CNTN5: variants seen among roughly 807,000 people sequenced by gnomAD.
The protein encoded by CNTN5 is contactin-5.
In CNTN5, 77 loss-of-function variants were observed where a neutral mutation model predicts 129.1. The observed-to-expected ratio is 0.60, with a 90% CI of 0.50 to 0.72. The LOEUF (loss-of-function observed/expected upper bound fraction) is 0.72. Among genes scored for constraint, CNTN5 ranks in the 30% least tolerant of loss-of-function variants. CNTN5 has a pLI of 0.00. For synonymous variants in CNTN5, 509 were observed against 465.6 expected (o/e 1.09, Z -1.20); for missense variants, 1,478 against 1,328.8 (o/e 1.11, Z -1.75).
intron 6 of CNTN5, among the ~76,000 whole-genome samples, chr11:99,904,749 C>T (rs372762556): frequency 6.6e-6 from 1 of 152,160 alleles, no homozygotes; most frequent in African/African-American, 2.4e-5. Flanking sequence ...CTAATTTACA[C>T]TCCCACCAAC....
intron 2 of CNTN5, among the ~76,000 whole-genome samples, chr11:99,348,977 A>C (rs1372725979): frequency 6.6e-6 from 1 of 152,202 alleles, no homozygotes; most frequent in Non-Finnish European, 1.5e-5. Flanking sequence ...ACAAGCAACA[A>C]AGATCCCTAC....
intron 1 of CNTN5, among the ~76,000 whole-genome samples, chr11:99,169,467 C>A (rs1008945894): frequency 6.6e-6 from 1 of 151,760 alleles, no homozygotes; most frequent in South Asian, 2.1e-4. Flanking sequence ...TGTGAGATAA[C>A]ACTTTAAGAA....
At chr11:99,426,207 G>C (rs1429340097) in intron 2 of CNTN5, among the ~76,000 whole-genome samples, 1 of 152,074 alleles carries the variant, frequency 6.6e-6, no homozygotes, top group Admixed American at 6.6e-5. Flanking sequence ...AAAAATTGAT[G>C]AAGTCAAAAA....
intron 2 of CNTN5, among the ~76,000 whole-genome samples, chr11:99,365,641 G>A (rs1939401776): frequency 6.6e-6 from 1 of 152,122 alleles, no homozygotes; most frequent in African/African-American, 2.4e-5. Context: ...CTGATAGTAT[G>A]TTTCTATATA....
intron 21 of CNTN5, among the ~76,000 whole-genome samples, chr11:100,322,366 G>A (rs1490646785): frequency 6.6e-6 from 1 of 151,980 alleles, no homozygotes; most frequent in South Asian, 2.1e-4. Context: ...GGGACTACAG[G>A]CGCCCGCCAC....
In CNTN5 at chr11:100,119,366, A is replaced by G. The variant is rs537458750; in HGVS notation, c.1580+45072A>G. On this transcript the variant is annotated intron_variant, in intron 13 of 24. Coordinates refer to ENST00000524871, the MANE Select transcript of CNTN5 (RefSeq NM_014361.4). Reference sequence around the variant, plus strand: ...TGCAAACAGCTGCATGATTATTGCTATGCTCTTGTTGCTATTTGGTGATTG... The same window carrying G: ...TGCAAACAGCTGCATGATTATTGCTGTGCTCTTGTTGCTATTTGGTGATTG... Among the ~76,000 whole-genome samples, 5 of 152,020 alleles carry G rather than the reference A, an allele frequency of 3.3e-5. No homozygotes were observed. In the South Asian group the frequency reaches 1.0e-3, roughly 32 times the overall value.
intron 3 of CNTN5, among the ~76,000 whole-genome samples, chr11:99,620,296 A>G (rs1182982506): frequency 6.6e-6 from 1 of 151,754 alleles, no homozygotes; most frequent in African/African-American, 2.4e-5. Context: ...CCTCTTTTTA[A>G]TATTTTTAAC....
At chr11:99,710,661 T>A (rs1173169323) in intron 3 of CNTN5, among the ~76,000 whole-genome samples, 1 of 151,586 alleles carries the variant, frequency 6.6e-6, no homozygotes, top group Non-Finnish European at 1.5e-5. Flanking sequence ...CATTTTTTTT[T>A]AGATACGCAA....
intron 12 of CNTN5, 42 bp downstream of exon 12, chr11:100,071,876 G>T: frequency 1.3e-6 from 2 of 1,508,184 alleles, no homozygotes; most frequent in Non-Finnish European, 1.8e-6. Flanking sequence ...AAAAAACCTT[G>T]CTTCTTTTCA....
At chr11:100,276,435 T>C (rs1158887956) in intron 18 of CNTN5, among the ~76,000 whole-genome samples, 1 of 144,902 alleles carries the variant, frequency 6.9e-6, no homozygotes, top group Non-Finnish European at 1.5e-5. Context: ...GCTATTCAGA[T>C]GACTGAGGCA....
At chr11:100,135,052 GTTAA>G (rs1946480923) in intron 13 of CNTN5, among the ~76,000 whole-genome samples, 1 of 151,800 alleles carries the variant, frequency 6.6e-6, no homozygotes, top group Non-Finnish European at 1.5e-5. Flanking sequence ...TATTATTAAA[GTTAA>G]TTATTATATT....
chr11:99,968,480 A>C (rs1033824896), intron 8 of CNTN5, among the ~76,000 whole-genome samples: 1 of 152,002 alleles, frequency 6.6e-6, no homozygotes, highest in Non-Finnish European at 1.5e-5. Flanking sequence ...ATGATTACCT[A>C]ATTACATTAG....
intron 8 of CNTN5, among the ~76,000 whole-genome samples, chr11:99,968,655 AC>A (rs1466685312): frequency 4.6e-4 from 23 of 49,568 alleles, no homozygotes; most frequent in South Asian, 2.1e-3. Context: ...AGCTTTGGGT[AC>A]TTTTTTTTTT....
intron 2 of CNTN5, among the ~76,000 whole-genome samples, chr11:99,427,690 C>T (rs1226376713): frequency 6.9e-6 from 1 of 143,968 alleles, no homozygotes; most frequent in African/African-American, 2.6e-5. Context: ...CACTTGAACC[C>T]GGGAGGCAGA....
chr11:99,793,862 T>C (rs1034312830), intron 3 of CNTN5, among the ~76,000 whole-genome samples: 8 of 152,212 alleles, frequency 5.3e-5, no homozygotes, highest in African/African-American at 1.9e-4. Context: ...GTGTGTGGCA[T>C]GTGCACATGA....
intron 1 of CNTN5, among the ~76,000 whole-genome samples, chr11:99,223,979 T>G (rs1477133598): frequency 6.6e-6 from 1 of 152,086 alleles, no homozygotes; most frequent in Admixed American, 6.6e-5. Flanking sequence ...AAATGTTTCT[T>G]CTCCGCATAC....
At chr11:100,127,122 T>TA (rs1491549943) in intron 13 of CNTN5, among the ~76,000 whole-genome samples, 5 of 102,412 alleles carry the variant, frequency 4.9e-5, no homozygotes, top group Admixed American at 1.1e-4. Context: ...TTTTTTTTTT[T>TA]AGAGATAGGG....
At chr11:99,789,836 G>A (rs138145831) in intron 3 of CNTN5, among the ~76,000 whole-genome samples, 128 of 151,958 alleles carry the variant, frequency 8.4e-4, no homozygotes, top group Non-Finnish European at 1.3e-3. Flanking sequence ...GTTATATTGC[G>A]TGATGCTGAG....
intron 1 of CNTN5, among the ~76,000 whole-genome samples, chr11:99,240,975 T>G (rs1310895654): frequency 6.6e-6 from 1 of 152,226 alleles, no homozygotes; most frequent in African/African-American, 2.4e-5. Flanking sequence ...AGAAATGTTC[T>G]TAAGTTAGTA....
Sources: gnomAD v4.1 joint callset for allele counts (sites outside exome capture counted in the v4.1 genomes callset) on GRCh38, gnomAD v4.1.1 for gene constraint, MANE v1.5 for transcripts, NCBI Gene and HGNC (gene_info 2026-07-23, HGNC 2026-07-21) for gene names.